Variants in DCAF8L2 observed in about 807,000 individuals in gnomAD.
DCAF8L2 encodes DDB1- and CUL4-associated factor 8-like protein 2.
For synonymous variants in DCAF8L2, 200 were observed against 190.9 expected (o/e 1.05, Z -0.39); for missense variants, 430 against 490.7 (o/e 0.88, Z 1.17).
At chrX:27,620,492 G>C (rs751358063) in intron 1 of DCAF8L2, among the ~76,000 whole-genome samples, 1 of 111,948 alleles carries the variant, frequency 8.9e-6, no homozygotes, top group South Asian at 3.7e-4. Flanking sequence ...AAGATAATGT[G>C]AAGAAAATGT....
the DCAF8L2 span, among the ~76,000 whole-genome samples, chrX:27,545,477 A>T: frequency 8.9e-6 from 1 of 112,137 alleles, no homozygotes; most frequent in Non-Finnish European, 1.9e-5. Context: ...AATGTTTTTT[A>T]GATGCTGATA....
intron 4 of DCAF8L2, among the ~76,000 whole-genome samples, chrX:27,742,599 A>G (rs1185093752): frequency 9.1e-6 from 1 of 109,336 alleles, no homozygotes; most frequent in Non-Finnish European, 1.9e-5. Context: ...AAACAAACAA[A>G]AAAAAAAAAC....
At chrX:27,730,567 G>A (rs1376177253) in intron 4 of DCAF8L2, among the ~76,000 whole-genome samples, 1 of 110,222 alleles carries the variant, frequency 9.1e-6, no homozygotes, top group Admixed American at 9.7e-5. Context: ...ACAGGTGCCC[G>A]CCACCACACC....
the DCAF8L2 span, among the ~76,000 whole-genome samples, chrX:27,549,353 A>G: frequency 0.095 from 10,611 of 111,166 alleles, 404 homozygotes; most frequent in Non-Finnish European, 0.12. Context: ...AAGTATTTTC[A>G]TAATGATATT....
intron 4 of DCAF8L2, among the ~76,000 whole-genome samples, chrX:27,731,255 A>T (rs1390424875): frequency 1.8e-5 from 2 of 110,006 alleles, no homozygotes; most frequent in Non-Finnish European, 3.8e-5. Context: ...AAAAAAAAAT[A>T]CAAAAATTAG....
intron 1 of DCAF8L2, among the ~76,000 whole-genome samples, chrX:27,603,138 A>C (rs912247874): frequency 1.8e-5 from 2 of 111,930 alleles, no homozygotes; most frequent in Non-Finnish European, 3.8e-5. Context: ...CAGCCTTCCT[A>C]CTGTCTTTAA....
At chrX:27,631,440 T>A (rs1260644396) in intron 1 of DCAF8L2, among the ~76,000 whole-genome samples, 1 of 112,534 alleles carries the variant, frequency 8.9e-6, no homozygotes, top group Admixed American at 9.4e-5. Context: ...TAAAATGTTA[T>A]TATTCTCTAT....
chrX:27,749,861 T>C lies in DCAF8L2; in HGVS notation c.*1070T>C, dbSNP rs1922475644. Among the ~76,000 whole-genome samples, 1 of 112,379 alleles carries C rather than the reference T, an allele frequency of 8.9e-6. No individual in the cohort carries two copies. The highest frequency in any genetic ancestry group is 1.9e-5 in the Non-Finnish European group (1 of 53,333). The stretch of plus-strand genomic sequence containing the variant: ...GCTGTTTAAATTGCTTTAAAAATTG[T>C]TTTATGCCTCATTTAATATAAATTA... On this transcript the variant is annotated 3_prime_UTR_variant, in exon 5 of 5. Coordinates refer to ENST00000451261, the MANE Select transcript of DCAF8L2 (RefSeq NM_001353450.2).
At chrX:27,627,761 G>A (rs1027317823) in intron 1 of DCAF8L2, among the ~76,000 whole-genome samples, 6 of 108,737 alleles carry the variant, frequency 5.5e-5, no homozygotes, top group Admixed American at 3.0e-4. Context: ...GGGCGTGGTG[G>A]TGCGTGCCTG....
intron 2 of DCAF8L2, among the ~76,000 whole-genome samples, chrX:27,649,940 A>C (rs1929088943): frequency 8.9e-6 from 1 of 111,767 alleles, no homozygotes; most frequent in Non-Finnish European, 1.9e-5. Flanking sequence ...TTGAGGTCTT[A>C]TATTTAAATC....
At chrX:27,608,192 A>T (rs1926996538) in intron 1 of DCAF8L2, among the ~76,000 whole-genome samples, 1 of 111,455 alleles carries the variant, frequency 9.0e-6, no homozygotes, top group Non-Finnish European at 1.9e-5. Context: ...AGCAATTCTA[A>T]TTTACTTTTA....
chrX:27,718,976 A>G (rs779895521), intron 4 of DCAF8L2, among the ~76,000 whole-genome samples: 12 of 111,876 alleles, frequency 1.1e-4, no homozygotes, highest in Non-Finnish European at 1.5e-4. Context: ...GCACGCATAT[A>G]CACCCACATA....
At chrX:27,499,836 T>TGGG in the DCAF8L2 span, among the ~76,000 whole-genome samples, 1 of 103,128 alleles carries the variant, frequency 9.7e-6, no homozygotes, top group African/African-American at 3.6e-5. Flanking sequence ...GATTTGGTGG[T>TGGG]GGGGGGGGGT....
chrX:27,567,621 T>A, the DCAF8L2 span, among the ~76,000 whole-genome samples: 1 of 92,514 alleles, frequency 1.1e-5, no homozygotes, highest in Non-Finnish European at 2.1e-5. Context: ...TATAACAGAT[T>A]TTATTTAAAG....
chrX:27,481,436 A>G, the DCAF8L2 span, among the ~76,000 whole-genome samples: 1 of 111,298 alleles, frequency 9.0e-6, no homozygotes, highest in Admixed American at 9.6e-5. Flanking sequence ...TCATAAGAAC[A>G]ATAGGAAGCC....
At chrX:27,604,696 C>T (rs1376815388) in intron 1 of DCAF8L2, among the ~76,000 whole-genome samples, 2 of 111,887 alleles carry the variant, frequency 1.8e-5, no homozygotes, top group Non-Finnish European at 3.8e-5. Flanking sequence ...CCAACTTTTC[C>T]ATGAATATTA....
At chrX:27,576,212 G>A in the DCAF8L2 span, among the ~76,000 whole-genome samples, 5 of 111,577 alleles carry the variant, frequency 4.5e-5, no homozygotes, top group Admixed American at 2.9e-4. Flanking sequence ...AATATATAAC[G>A]TATTCAACTT....
the DCAF8L2 span, among the ~76,000 whole-genome samples, chrX:27,500,407 G>A: frequency 1.8e-5 from 2 of 111,626 alleles, no homozygotes; most frequent in Admixed American, 1.9e-4. Context: ...GAGAGAAATA[G>A]TATTTAGAAA....
chrX:27,688,965 A>T (rs970089752), intron 3 of DCAF8L2, among the ~76,000 whole-genome samples: 2 of 111,859 alleles, frequency 1.8e-5, no homozygotes, highest in Admixed American at 1.9e-4. Flanking sequence ...TCTCCAAAAG[A>T]TGAAATATCT....
Sources: allele counts gnomAD v4.1 joint callset (sites outside exome capture counted in the v4.1 genomes callset), GRCh38; gene constraint gnomAD v4.1.1; transcripts MANE v1.5; gene names NCBI Gene and HGNC (gene_info 2026-07-23, HGNC 2026-07-21).